Variants in PCDHGC3 observed in about 807,000 individuals in gnomAD.
The protein encoded by PCDHGC3 is protocadherin gamma-C3.
In PCDHGC3, 26 loss-of-function variants were observed where a neutral mutation model predicts 59.2. That is an observed-to-expected ratio of 0.44 (90% CI 0.32 to 0.61). PCDHGC3 has a LOEUF of 0.61. PCDHGC3 is among the 20% of genes least tolerant of loss of function. The pLI is 0.05. For missense variants in PCDHGC3, 1,080 were observed against 1,221.8 expected (o/e 0.88, Z 1.73); for synonymous variants, 487 against 519.7 (o/e 0.94, Z 0.86).
In PCDHGC3 at chr5:141,512,809, A is replaced by C. The variant is rs2099884438; in HGVS notation, c.*1636A>C. ...GTGTTTTGTGCTGTGTCCACGCGCT[A>C]AGGCGACCCCCTCCCCCGTACTGAC... On this transcript the variant is annotated 3_prime_UTR_variant, in exon 4 of 4. Coordinates refer to ENST00000308177, the MANE Select transcript of PCDHGC3 (RefSeq NM_002588.4). 6.6e-6 allele frequency: 1 copy of C among 152,130 alleles called. No homozygotes were observed. The highest frequency in any genetic ancestry group is 2.4e-5 in the African/African-American group (1 of 41,404). The allele number at this position is 152,130 out of a possible 1,614,324, so 9.4% of individuals were successfully genotyped here. A position where few individuals can be genotyped will look rare whatever the true frequency, so the allele number is the denominator to read the frequency against.
chr5:141,487,143 C>T lies in PCDHGC3; in HGVS notation c.2431-7664C>T. Reference sequence around the variant, plus strand: ...GATAGTGGTAGTCCACCACTCTCTACCTCTGTTACTCTCTTAGTGTCCTTA... The same window carrying T: ...GATAGTGGTAGTCCACCACTCTCTATCTCTGTTACTCTCTTAGTGTCCTTA... On this transcript the variant is annotated intron_variant, in intron 1 of 3. Coordinates refer to ENST00000308177, the MANE Select transcript of PCDHGC3 (RefSeq NM_002588.4). This position sits in a 1 kb window ranked among gnomAD's most constrained non-coding sequence, Gnocchi z 5.0. 1.2e-6 allele frequency: 2 copies of T among 1,614,028 alleles called. No homozygotes were observed. Among genetic ancestry groups the T allele is most frequent in the Non-Finnish European group, 1.7e-6 (2 of 1,179,862 alleles).
At position 141,476,613 on chromosome 5, in the gene PCDHGC3, G is replaced by A; in HGVS notation, c.497G>A (p.Ser166Asn). Residue 166 changes from serine to asparagine, a missense_variant, in exon 1 of 4, where the codon AGC (serine) becomes AAC (asparagine). Coordinates refer to ENST00000308177, the MANE Select transcript of PCDHGC3 (RefSeq NM_002588.4). This position sits in a 1 kb window ranked among gnomAD's most constrained non-coding sequence, Gnocchi z 7.6. ...LESAHDPDVG[S>N]NSLQTYELSR... is the part of the protein sequence containing the mutation. ...AGCGCGCACGATCCCGATGTGGGAA[G>A]CAACTCTTTACAAACCTATGAGCTG... is the stretch of plus-strand genomic sequence containing the variant. 1 of 1,614,266 alleles carries A rather than the reference G, an allele frequency of 6.2e-7. No homozygotes were observed. The highest frequency in any genetic ancestry group is 1.3e-5 in the African/African-American group (1 of 75,078).
rs376021397 is a variant in PCDHGC3 at position 141,478,484 on chromosome 5, C to A, written c.2368C>A (p.Arg790=). ...ACTGGCCAGCCGCCAGAACACGCTG[C>A]GGAGCTGTGATCCGGTGTTCTATAG... ...SPLASRQNTL[R]SCDPVFYRQV... The change falls in exon 1 of 4, where the codon CGG becomes AGG. Residue 790 remains arginine (R), a synonymous_variant. Coordinates refer to ENST00000308177, the MANE Select transcript of PCDHGC3 (RefSeq NM_002588.4). 1.2e-5 allele frequency: 20 copies of A among 1,613,340 alleles called. No homozygotes were observed. The highest frequency in any genetic ancestry group is 1.4e-5 in the Non-Finnish European group (17 of 1,179,728).
At position 141,485,129 on chromosome 5, in the gene PCDHGC3, T is replaced by G. The variant is rs761201450; in HGVS notation, c.2430+6583T>G. 2.1e-6 allele frequency: 3 copies of G among 1,462,964 alleles called. No individual in the cohort carries two copies. Among genetic ancestry groups the G allele is most frequent in the Non-Finnish European group, 2.8e-6 (3 of 1,053,766 alleles). 90.6% of individuals were successfully genotyped at this position (1,462,964 alleles called of 1,614,324 possible). A position where few individuals can be genotyped will look rare whatever the true frequency, so the allele number is the denominator to read the frequency against. On this transcript the variant is annotated intron_variant, in intron 1 of 3. Coordinates refer to ENST00000308177, the MANE Select transcript of PCDHGC3 (RefSeq NM_002588.4). The surrounding 1 kb of genome is among the most constrained non-coding windows in gnomAD (Gnocchi z 5.7). ...TGTGGCTGTTTGGGGCGGGTCGGCT[T>G]CATCCGCGTCTCAGGAGCAAGTAGA...
intron 1 of PCDHGC3, among the ~76,000 whole-genome samples, chr5:141,492,641 G>A (rs2099742804): frequency 6.6e-6 from 1 of 152,226 alleles, no homozygotes; most frequent in African/African-American, 2.4e-5. Flanking sequence ...ACGATCCTTG[G>A]GCCAGAGGTC....
Position 141,485,274 on chromosome 5 carries a change from C to G in PCDHGC3, c.2430+6728C>G. 2 of 1,614,106 alleles carry G rather than the reference C, an allele frequency of 1.2e-6. No homozygotes were observed. Among genetic ancestry groups the G allele is most frequent in the Non-Finnish European group, 1.7e-6 (2 of 1,179,964 alleles). On this transcript the variant is annotated intron_variant, in intron 1 of 3. Transcript: ENST00000308177. The surrounding 1 kb of genome is among the most constrained non-coding windows in gnomAD (Gnocchi z 5.7). ...TACGTTTGTGGGCAGATCCGCTACC[C>G]GGTCCCAGAGGAGTCACAGGAAGGG...
In PCDHGC3 at chr5:141,478,454, A is replaced by T; in HGVS notation, c.2338A>T (p.Ser780Cys). ...DPLLKKPGAA[S>C]PLASRQNTLR... ...GCTGCTGAAGAAACCTGGTGCAGCC[A>T]GTCCACTGGCCAGCCGCCAGAACAC... The change falls in exon 1 of 4, where the codon AGT becomes TGT. Residue 780 changes from serine to cysteine, a missense_variant. By Grantham distance (112) the Ser-to-Cys change is moderately radical (BLOSUM62 -1). Coordinates refer to ENST00000308177, the MANE Select transcript of PCDHGC3 (RefSeq NM_002588.4). The T allele has an allele frequency of 6.2e-7, 1 of 1,613,596 alleles. No homozygotes were observed.
chr5:141,490,251 A>G lies in PCDHGC3; in HGVS notation c.2431-4556A>G, dbSNP rs1479384008. ...CCATGGAGGGCCACTGTGTGATTCA[A>G]GTGGATGTGGGGGATGTCAATGACA... is the stretch of plus-strand genomic sequence containing the variant. On this transcript the variant is annotated intron_variant, in intron 1 of 3. Coordinates refer to ENST00000308177, the MANE Select transcript of PCDHGC3 (RefSeq NM_002588.4). This position sits in a 1 kb window ranked among gnomAD's most constrained non-coding sequence, Gnocchi z 5.4. 6.2e-7 allele frequency: 1 copy of G among 1,614,210 alleles called. No homozygotes were observed. Among genetic ancestry groups the G allele is most frequent in the Non-Finnish European group, 8.5e-7 (1 of 1,180,036 alleles).
At position 141,476,001 on chromosome 5, in the gene PCDHGC3, C is replaced by A. The variant is rs989369008; in HGVS notation, c.-116C>A. On this transcript the variant is annotated 5_prime_UTR_variant, in exon 1 of 4. Coordinates refer to ENST00000308177, the MANE Select transcript of PCDHGC3 (RefSeq NM_002588.4). This position sits in a 1 kb window ranked among gnomAD's most constrained non-coding sequence, Gnocchi z 7.6. ...CAGCCGGCGAGCAAATCAACGGCAT[C>A]CAGAAAGCCATGTCGGACTCGGCGC... The A allele has an allele frequency of 5.7e-5, 70 of 1,235,226 alleles. No homozygotes were observed. In the Middle Eastern group the frequency reaches 8.6e-4, roughly 15 times the overall value. The allele number at this position is 1,235,226 out of a possible 1,614,324, so 76.5% of individuals were successfully genotyped here. A position where few individuals can be genotyped will look rare whatever the true frequency, so the allele number is the denominator to read the frequency against.
Position 141,478,158 on chromosome 5 carries a change from C to G in PCDHGC3, c.2042C>G (p.Ser681Cys). ...PEARAEFPSG[S>C]APREQKKNLT... is the part of the protein sequence containing the mutation. Reference sequence around the variant, plus strand: ...GCCCGAGCCGAGTTCCCCTCTGGCTCTGCCCCCCGGGAGCAGAAAAAAAAT... The same window carrying G: ...GCCCGAGCCGAGTTCCCCTCTGGCTGTGCCCCCCGGGAGCAGAAAAAAAAT... The change falls in exon 1 of 4, where the codon TCT becomes TGT. Residue 681 changes from serine to cysteine, a missense_variant. Ser to Cys is a moderately radical substitution (Grantham distance 112). Coordinates refer to ENST00000308177, the MANE Select transcript of PCDHGC3 (RefSeq NM_002588.4). 1 of 1,614,054 alleles carries G rather than the reference C, an allele frequency of 6.2e-7. No homozygotes were observed. Among genetic ancestry groups the G allele is most frequent in the Non-Finnish European group, 8.5e-7 (1 of 1,180,038 alleles).
At position 141,477,068 on chromosome 5, in the gene PCDHGC3, C is replaced by A; in HGVS notation, c.952C>A (p.His318Asn). 6.2e-7 allele frequency: 1 copy of A among 1,614,268 alleles called. No homozygotes were observed. The highest frequency in any genetic ancestry group is 8.5e-7 in the Non-Finnish European group (1 of 1,180,046). Residue 318 changes from histidine to asparagine, a missense_variant, in exon 1 of 4, where the codon CAT becomes AAT. Transcript: ENST00000308177. This position sits in a 1 kb window ranked among gnomAD's most constrained non-coding sequence, Gnocchi z 4.9. Reference protein sequence around the residue: ...GRLDFEDTKLHEIYIQAKDKG... With the variant: ...GRLDFEDTKLNEIYIQAKDKG... ...GCTGGACTTCGAGGACACCAAACTCCATGAGATTTACATCCAGGCCAAAGA... is the reference window on the plus strand; with the variant it reads ...GCTGGACTTCGAGGACACCAAACTCAATGAGATTTACATCCAGGCCAAAGA...
intron 2 of PCDHGC3, among the ~76,000 whole-genome samples, chr5:141,496,125 T>C (rs1318749514): frequency 6.8e-6 from 1 of 146,032 alleles, no homozygotes; most frequent in Non-Finnish European, 1.5e-5. Context: ...TCCCTGCCCC[T>C]CACACACTGA....
intron 1 of PCDHGC3, among the ~76,000 whole-genome samples, chr5:141,488,802 A>G (rs910422824): frequency 2.0e-5 from 3 of 152,294 alleles, no homozygotes; most frequent in Middle Eastern, 3.4e-3. Flanking sequence ...CCTGTTGAGT[A>G]CCATCTGAGC....
Position 141,477,783 on chromosome 5 carries a change from T to C in PCDHGC3, c.1667T>C (p.Phe556Ser). 1 of 1,614,078 alleles carries C rather than the reference T, an allele frequency of 6.2e-7. No individual in the cohort carries two copies. Among genetic ancestry groups the C allele is most frequent in the Non-Finnish European group, 8.5e-7 (1 of 1,180,028 alleles). The change falls in exon 1 of 4, where the codon TTT (phenylalanine) becomes TCT (serine). Residue 556 changes from phenylalanine to serine, a missense_variant. Coordinates refer to ENST00000308177, the MANE Select transcript of PCDHGC3 (RefSeq NM_002588.4). The surrounding 1 kb of genome is among the most constrained non-coding windows in gnomAD (Gnocchi z 4.9). ...GCCACCAACATCAGCGTGAACATAT[T>C]TGTCACTGATCGCAATGACAATGCC... ...VLATNISVNIFVTDRNDNAPQ... is the reference protein window; with the variant it reads ...VLATNISVNISVTDRNDNAPQ...
At chr5:141,484,589 C>T (rs2154580160) in intron 1 of PCDHGC3, among the ~76,000 whole-genome samples, 1 of 152,074 alleles carries the variant, frequency 6.6e-6, no homozygotes, top group African/African-American at 2.4e-5. Context: ...GGAAGCTACT[C>T]ATTTAGAATA....
chr5:141,480,225 G>A (rs1217912404), intron 1 of PCDHGC3, among the ~76,000 whole-genome samples: 1 of 147,152 alleles, frequency 6.8e-6, no homozygotes, highest in East Asian at 2.0e-4. Flanking sequence ...GCGACATAGT[G>A]AGATCCTGTC....
In PCDHGC3 at chr5:141,490,729, C is replaced by G. The variant is rs1365931429; in HGVS notation, c.2431-4078C>G. ...CCTCACCTACTCCATTGTAGGAAAT[C>G]AGGTTCAGGGAGCCCCAGCCTCCTC... On this transcript the variant is annotated intron_variant, in intron 1 of 3. Coordinates refer to ENST00000308177, the MANE Select transcript of PCDHGC3 (RefSeq NM_002588.4). The surrounding 1 kb of genome is among the most constrained non-coding windows in gnomAD (Gnocchi z 5.4). 1 of 1,614,184 alleles carries G rather than the reference C, an allele frequency of 6.2e-7. No homozygotes were observed.
At position 141,485,260 on chromosome 5, in the gene PCDHGC3, G is replaced by A. The variant is rs773919574; in HGVS notation, c.2430+6714G>A. On this transcript the variant is annotated intron_variant, in intron 1 of 3. Transcript: ENST00000308177. This position sits in a 1 kb window ranked among gnomAD's most constrained non-coding sequence, Gnocchi z 5.7. ...TTTACCACCTGGGTTACGTTTGTGG[G>A]CAGATCCGCTACCCGGTCCCAGAGG... The A allele has an allele frequency of 8.7e-6, 14 of 1,614,002 alleles. No individual in the cohort carries two copies. In the African/African-American group the frequency reaches 1.5e-4, roughly 17 times the overall value.
rs772000812 is a variant in PCDHGC3, at chr5:141,478,304, C to T, written c.2188C>T (p.Pro730Ser). The T allele has an allele frequency of 8.1e-6, 13 of 1,614,108 alleles. No individual in the cohort carries two copies. In the Middle Eastern group the frequency reaches 1.2e-3, roughly 143 times the overall value. The change falls in exon 1 of 4, where the codon CCG (proline) becomes TCG (serine). Residue 730 changes from proline (P) to serine (S), a missense_variant. Coordinates refer to ENST00000308177, the MANE Select transcript of PCDHGC3 (RefSeq NM_002588.4). ...WKQSRDLYRA[P>S]VSSLYRTPGP... The stretch of plus-strand genomic sequence containing the variant: ...GCAGTCTAGAGACCTATACCGAGCC[C>T]CGGTGAGCTCACTGTACCGAACACC...
Sources: gnomAD v4.1 joint callset for allele counts (sites outside exome capture counted in the v4.1 genomes callset) on GRCh38, gnomAD v4.1.1 for gene constraint, Gnocchi (gnomAD v3.1) non-coding constraint, MANE v1.5 for transcripts, NCBI Gene and HGNC (gene_info 2026-07-23, HGNC 2026-07-21) for gene names.